Variants in AMN observed in about 807,000 individuals in gnomAD.
AMN encodes the protein amnion associated transmembrane protein, also known as protein amnionless.
A neutral mutation model predicts 49.1 loss-of-function variants in AMN; 40 were observed. The ratio of observed to expected loss-of-function variants is 0.81; its 90% confidence interval spans 0.63 to 1.06. The LOEUF (loss-of-function observed/expected upper bound fraction) is 1.06, where lower values mean the gene tolerates loss of function less well. Among genes scored for constraint, AMN ranks in the 50% least tolerant of loss-of-function variants. The probability of loss-of-function intolerance (pLI) is 0.00; values close to 1 mark genes in which losing one functional copy is unlikely to be tolerated. For missense variants in AMN, 701 were observed against 662.8 expected, an observed-to-expected ratio of 1.06 and a Z score of -0.63; for synonymous variants, 380 against 313.3, an observed-to-expected ratio of 1.21 and a Z score of -2.25.
At chr14:102,922,927 A>G in intron 1 of AMN, 196 bp downstream of exon 1, 1 of 758,482 alleles carries the variant, frequency 1.3e-6, no homozygotes, top group Non-Finnish European at 2.0e-6. Flanking sequence ...CGGCCAGTGC[A>G]TCGGGCGGTG....
chr14:102,929,626 C>T, intron 7 of AMN, 29 bp from the exon 8 acceptor site: 1 of 1,548,266 alleles, frequency 6.5e-7, no homozygotes, highest in Non-Finnish European at 8.7e-7. Context: ...CCCGGATCCA[C>T]GGCGCTGACC....
chr14:102,930,356 G>T, intron 10 of AMN, 29 bp downstream of exon 10: 6 of 1,453,718 alleles, frequency 4.1e-6, no homozygotes, highest in Non-Finnish European at 5.4e-6. Context: ...CGGAGGTGGG[G>T]CTGGGGGTTG....
intron 1 of AMN, 186 bp from the exon 2 acceptor site, chr14:102,923,525 G>T: frequency 1.6e-6 from 1 of 630,820 alleles, no homozygotes; most frequent in Non-Finnish European, 2.8e-6. Context: ...GTTGGAGAGC[G>T]CCCGGGCAGG....
At position 102,930,082 on chromosome 14, in the gene AMN, G is replaced by A. The variant is rs1394701506; in HGVS notation, c.1002G>A (p.Glu334=). ...GGGCCCTCCTGGCGGACGTCGCCGA[G>A]AACGGTAACCGCGCCCGCCCCATCC... ...LARALLADVA[E]NGEALGVLEA... Residue 334 remains glutamate (E), a synonymous_variant, in exon 9 of 12, where the codon GAG becomes GAA. Transcript: ENST00000299155. 22 of 1,539,558 alleles carry A rather than the reference G, an allele frequency of 1.4e-5. No individual in the cohort carries two copies. The highest frequency in any genetic ancestry group is 1.9e-5 in the Non-Finnish European group (22 of 1,144,812).
At chr14:102,923,664 G>A (rs1566825316) in intron 1 of AMN, 47 bp from the exon 2 acceptor site, 2 of 1,535,750 alleles carry the variant, frequency 1.3e-6, no homozygotes, top group East Asian at 2.3e-5. Flanking sequence ...CCCTGAGAAG[G>A]GAGCATCCCG....
chr14:102,923,453 T>C (rs545524516), intron 1 of AMN: 3 of 502,050 alleles, frequency 6.0e-6, no homozygotes, highest in Non-Finnish European at 1.1e-5. Flanking sequence ...GCCGGGAGGC[T>C]ATCTAGGCAG....
In AMN at chr14:102,928,914, G is replaced by C. The variant is rs774892250; in HGVS notation, c.452G>C (p.Arg151Pro). The C allele has an allele frequency of 1.2e-6, 2 of 1,602,374 alleles. No homozygotes were observed. Among genetic ancestry groups the C allele is most frequent in the South Asian group, 2.2e-5 (2 of 91,070 alleles). ...TTCTTTCCGCCTAGTGCCTCCTTCC[G>C]CGTGGGGCTCGGCCCTGGCGCTAGC... Reference protein sequence around the residue: ...DVFFPPSASFRVGLGPGASPV... With the variant: ...DVFFPPSASFPVGLGPGASPV... The change falls in exon 5 of 12, where the codon CGC (arginine) becomes CCC (proline). Residue 151 changes from arginine (R) to proline (P), a missense_variant. Coordinates refer to ENST00000299155, the MANE Select transcript of AMN (RefSeq NM_030943.4).
chr14:102,930,297 C>T lies in AMN; in HGVS notation c.1139C>T (p.Pro380Leu). 1.0e-5 allele frequency: 14 copies of T among 1,370,670 alleles called. No individual in the cohort carries two copies. The highest frequency in any genetic ancestry group is 1.2e-5 in the Non-Finnish European group (13 of 1,069,216). 84.9% of individuals were successfully genotyped at this position (1,370,670 alleles called of 1,614,324 possible). Residue 380 changes from proline to leucine, a missense_variant, in exon 10 of 12, where the codon CCG (proline) becomes CTG (leucine). Physicochemically the swap from Pro to Leu is moderately conservative, Grantham distance 98. Transcript: ENST00000299155. ...LLALLVLLVA[P>L]PLLRRAGRLR... ...GCGCTGCTGGTCCTGCTGGTGGCGC[C>T]GCCGCTGCTGCGCCGCGCGGGGAGG...
chr14:102,924,397 G>T (rs1018582825), intron 3 of AMN, among the ~76,000 whole-genome samples: 1 of 152,142 alleles, frequency 6.6e-6, no homozygotes, highest in Non-Finnish European at 1.5e-5. Context: ...GGAAGTGGCC[G>T]CCCAGGAAGA....
chr14:102,928,699 C>A (rs1365027793), intron 4 of AMN, 59 bp from the exon 5 acceptor site: 4 of 1,558,774 alleles, frequency 2.6e-6, no homozygotes, highest in Non-Finnish European at 3.5e-6. Context: ...CGTGGCGTGG[C>A]GTGGCGTGGT....
intron 5 of AMN, 23 bp from the exon 6 acceptor site, chr14:102,929,098 G>C (rs762625919): frequency 6.3e-7 from 1 of 1,597,634 alleles, no homozygotes; most frequent in Non-Finnish European, 8.5e-7. Context: ...GGCTGGCTCC[G>C]GTGGGGACCC....
rs1595434435 is a variant in AMN, at chr14:102,930,050, C to T, written c.970C>T (p.Leu324=). 1 of 1,547,068 alleles carries T rather than the reference C, an allele frequency of 6.5e-7. No individual in the cohort carries two copies. Among genetic ancestry groups the T allele is most frequent in the East Asian group, 2.4e-5 (1 of 40,848 alleles). ...GCCCGAGACAGGCGGAGCGGGGCGG[C>T]TGGCCCGGGCCCTCCTGGCGGACGT... The part of the protein sequence containing the change: ...NGPETGGAGR[L]ARALLADVAE... The change falls in exon 9 of 12, where the codon CTG becomes TTG. Residue 324 remains leucine (L), a synonymous_variant. Coordinates refer to ENST00000299155, the MANE Select transcript of AMN (RefSeq NM_030943.4).
Position 102,930,097 on chromosome 14 carries a change from C to A in AMN, c.1006+11C>A. On this transcript the variant is annotated intron_variant, in intron 9 of 11. Coordinates refer to ENST00000299155, the MANE Select transcript of AMN (RefSeq NM_030943.4). ...ACGTCGCCGAGAACGGTAACCGCGCCCGCCCCATCCCGCCCCGCCGCGCCT... is the reference window on the plus strand; with the variant it reads ...ACGTCGCCGAGAACGGTAACCGCGCACGCCCCATCCCGCCCCGCCGCGCCT... 6.6e-7 allele frequency: 1 copy of A among 1,515,340 alleles called. No individual in the cohort carries two copies. The highest frequency in any genetic ancestry group is 8.8e-7 in the Non-Finnish European group (1 of 1,135,786). The allele number at this position is 1,515,340 out of a possible 1,614,324, so 93.9% of individuals were successfully genotyped here. A position where few individuals can be genotyped will look rare whatever the true frequency, so the allele number is the denominator to read the frequency against.
rs555349109 is a variant in AMN at position 102,927,958 on chromosome 14, C to T, written c.208-468C>T. Reference sequence around the variant, plus strand: ...CCCCTGGCCGCCAGATGCAGCCTCTCCCTCCCTCCCTCACACACCAAGAGC... The same window carrying T: ...CCCCTGGCCGCCAGATGCAGCCTCTTCCTCCCTCCCTCACACACCAAGAGC... On this transcript the variant is annotated intron_variant, in intron 3 of 11. Coordinates refer to ENST00000299155, the MANE Select transcript of AMN (RefSeq NM_030943.4). Among the ~76,000 whole-genome samples, 5 of 152,330 alleles carry T rather than the reference C, an allele frequency of 3.3e-5. No individual in the cohort carries two copies. The East Asian group carries it at 7.7e-4, about 24-fold the overall frequency.
rs761472053 is a variant in AMN at position 102,922,740 on chromosome 14, G to A, written c.43+9G>A. 3.8e-5 allele frequency: 60 copies of A among 1,582,068 alleles called. No homozygotes were observed. The highest frequency in any genetic ancestry group is 5.0e-5 in the Non-Finnish European group (58 of 1,168,342). On this transcript the variant is annotated intron_variant, in intron 1 of 11. Coordinates refer to ENST00000299155, the MANE Select transcript of AMN (RefSeq NM_030943.4). ...GTGGCTGCAGCTCTGCGGTGAGCCG[G>A]GACCACACCGGTGCGGGCCCGGACG...
rs760255866 is a variant in AMN, at chr14:102,930,659, C to CGG, written c.1344_1345dup (p.Ala449GlyfsTer56). On this transcript the variant is annotated frameshift_variant, in exon 12 of 12. Coordinates refer to ENST00000299155, the MANE Select transcript of AMN (RefSeq NM_030943.4). LOFTEE classifies it high-confidence loss of function. ...GTTACTTCGTCAACCCTCTGTTCGC[C>CGG]GGGGCCGAGGCCGAGGCCTGAGCGG... 13 of 1,529,404 alleles carry CGG rather than the reference C, an allele frequency of 8.5e-6. No individual in the cohort carries two copies. Among genetic ancestry groups the CGG allele is most frequent in the Non-Finnish European group, 8.9e-6 (10 of 1,129,118 alleles). 94.7% of individuals were successfully genotyped at this position (1,529,404 alleles called of 1,614,324 possible). A position where few individuals can be genotyped will look rare whatever the true frequency, so the allele number is the denominator to read the frequency against.
chr14:102,922,779 A>G (rs1358658629), intron 1 of AMN, 48 bp downstream of exon 1: 2 of 1,553,458 alleles, frequency 1.3e-6, no homozygotes, highest in Non-Finnish European at 1.7e-6. Context: ...GCGGTCTGTC[A>G]GGACCCAGGG....
At chr14:102,922,826 C>A (rs1470970234) in intron 1 of AMN, 95 bp downstream of exon 1, 1 of 1,483,242 alleles carries the variant, frequency 6.7e-7, no homozygotes, top group Non-Finnish European at 9.1e-7. Context: ...GAAGATCTTC[C>A]GAGGAGTGGG....
In AMN at chr14:102,929,941, G is replaced by A; in HGVS notation, c.861G>A (p.Leu287=). The A allele has an allele frequency of 1.3e-6, 2 of 1,561,602 alleles. No individual in the cohort carries two copies. The highest frequency in any genetic ancestry group is 2.4e-5 in the South Asian group (2 of 84,660). The change falls in exon 9 of 12, where the codon CTG becomes CTA. Residue 287 remains leucine, a synonymous_variant. Coordinates refer to ENST00000299155, the MANE Select transcript of AMN (RefSeq NM_030943.4). ...TFLGLPQYHG[L]QVAVSKVPRS... ...CTCCCCAGCCTCAGTACCACGGGCT[G>A]CAGGTGGCCGTGTCCAAGGTGCCAC... is the stretch of plus-strand genomic sequence containing the variant.
Sources: allele counts gnomAD v4.1 joint callset (sites outside exome capture counted in the v4.1 genomes callset), GRCh38; gene constraint gnomAD v4.1.1; transcripts MANE v1.5; gene names NCBI Gene and HGNC (gene_info 2026-07-23, HGNC 2026-07-21).